Variants in FRMD4A observed in about 807,000 individuals in gnomAD.
FRMD4A encodes FERM domain-containing protein 4A.
FRMD4A carries 29 observed loss-of-function variants against 129.1 expected under a neutral mutation model. That is an observed-to-expected ratio of 0.22 (90% CI 0.17 to 0.31). FRMD4A has a LOEUF of 0.31. Among genes scored for constraint, FRMD4A ranks in the 10% least tolerant of loss-of-function variants. FRMD4A has a pLI of 1.00. For synonymous variants in FRMD4A, 634 were observed against 571.6 expected (o/e 1.11, Z -1.56); for missense variants, 1,272 against 1,375.8 (o/e 0.92, Z 1.19).
intron 2 of FRMD4A, among the ~76,000 whole-genome samples, chr10:14,218,955 CAAAAAAAAAAAAAAAAAAAAAAA>C (rs56064346): frequency 4.1e-5 from 3 of 72,640 alleles, no homozygotes; most frequent in Admixed American, 1.5e-4. Flanking sequence ...GACTTCATCT[CAAAAAAAAAAAAAAAAAAAAAAA>C]AAAAAAAAAA....
At chr10:13,745,550 G>A (rs1331958469) in intron 9 of FRMD4A, among the ~76,000 whole-genome samples, 1 of 152,200 alleles carries the variant, frequency 6.6e-6, no homozygotes, top group African/African-American at 2.4e-5. Context: ...AGAAGAGACA[G>A]AGAGAGTGTG....
chr10:13,716,948 CCT>C, intron 12 of FRMD4A, among the ~76,000 whole-genome samples: 1 of 146,500 alleles, frequency 6.8e-6, no homozygotes, highest in Non-Finnish European at 1.5e-5. Context: ...TTTTTCCTTT[CCT>C]ATCCTCTGCC....
intron 8 of FRMD4A, among the ~76,000 whole-genome samples, chr10:13,758,290 G>A (rs1240263937): frequency 6.6e-6 from 1 of 152,076 alleles, no homozygotes; most frequent in Admixed American, 6.6e-5. Context: ...AAAGGTTATT[G>A]GATCCTCTGG....
At chr10:13,677,155 G>T (rs550753198) in intron 15 of FRMD4A, among the ~76,000 whole-genome samples, 1 of 152,044 alleles carries the variant, frequency 6.6e-6, no homozygotes, top group Non-Finnish European at 1.5e-5. Flanking sequence ...ATACATACAG[G>T]CTCTTACTAC....
chr10:13,839,311 C>A (rs1401870668), intron 3 of FRMD4A, among the ~76,000 whole-genome samples: 1 of 152,110 alleles, frequency 6.6e-6, no homozygotes, highest in East Asian at 1.9e-4. Context: ...CAGCCAGGAC[C>A]ACCATTTCTA....
chr10:13,881,990 GGTGTGTGTGTGTGTGT>G (rs71388128), intron 2 of FRMD4A, among the ~76,000 whole-genome samples: 44 of 15,646 alleles, frequency 2.8e-3, no homozygotes, highest in Non-Finnish European at 4.1e-3. Flanking sequence ...GAGAGGCAAG[GGTGTGTGTGTGTGTGT>G]GTGTGTGTGT....
At chr10:14,324,543 G>A (rs977190597) in intron 2 of FRMD4A, among the ~76,000 whole-genome samples, 3 of 152,174 alleles carry the variant, frequency 2.0e-5, no homozygotes, top group Admixed American at 2.0e-4. Flanking sequence ...TGGCTTCACT[G>A]TATTACTATG....
intron 4 of FRMD4A, among the ~76,000 whole-genome samples, chr10:13,801,683 C>A (rs2093257386): frequency 6.6e-6 from 1 of 152,174 alleles, no homozygotes; most frequent in Admixed American, 6.5e-5. Flanking sequence ...AATTCTGGGG[C>A]CACCACTTTT....
intron 2 of FRMD4A, among the ~76,000 whole-genome samples, chr10:14,148,248 C>T (rs1840174279): frequency 6.6e-6 from 1 of 152,138 alleles, no homozygotes; most frequent in East Asian, 1.9e-4. Flanking sequence ...TTAATTATCC[C>T]CCTTTAGTTT....
At chr10:14,328,863 A>G (rs1202884446) in intron 2 of FRMD4A, among the ~76,000 whole-genome samples, 1 of 152,190 alleles carries the variant, frequency 6.6e-6, no homozygotes, top group African/African-American at 2.4e-5. Context: ...AGTAAGGGAA[A>G]GAAGTCAGGT....
At chr10:13,662,903 C>T (rs1485793513) in intron 19 of FRMD4A, among the ~76,000 whole-genome samples, 1 of 149,942 alleles carries the variant, frequency 6.7e-6, no homozygotes, top group African/African-American at 2.5e-5. Flanking sequence ...TGTAGATTCT[C>T]TGTCTAGCTA....
intron 2 of FRMD4A, among the ~76,000 whole-genome samples, chr10:14,131,402 C>CCCA (rs1024575229): frequency 1.2e-4 from 18 of 151,870 alleles, no homozygotes; most frequent in Middle Eastern, 3.4e-3. Context: ...CTGTGCCCCC[C>CCCA]CCGGCCGCCC....
At chr10:14,123,767 A>G (rs1838670006) in intron 2 of FRMD4A, among the ~76,000 whole-genome samples, 1 of 152,182 alleles carries the variant, frequency 6.6e-6, no homozygotes, top group South Asian at 2.1e-4. Context: ...TCAAGTTCAA[A>G]TATCCATCAC....
At chr10:14,168,539 A>G (rs548961407) in intron 2 of FRMD4A, among the ~76,000 whole-genome samples, 77 of 152,338 alleles carry the variant, frequency 5.1e-4, no homozygotes, top group Non-Finnish European at 9.8e-4. Flanking sequence ...GTGACCTCCC[A>G]GGAATCTTGC....
At chr10:14,104,304 C>T (rs968754532) in intron 2 of FRMD4A, among the ~76,000 whole-genome samples, 10 of 151,892 alleles carry the variant, frequency 6.6e-5, no homozygotes, top group East Asian at 1.9e-4. Context: ...GACGTTACAC[C>T]GCCATCAAGG....
At chr10:13,833,778 T>C (rs912397659) in intron 3 of FRMD4A, among the ~76,000 whole-genome samples, 1 of 152,100 alleles carries the variant, frequency 6.6e-6, no homozygotes, top group East Asian at 1.9e-4. Flanking sequence ...AACAACACTA[T>C]GAGGCAGATG....
chr10:14,109,965 C>T (rs1188633634), intron 2 of FRMD4A, among the ~76,000 whole-genome samples: 1 of 147,924 alleles, frequency 6.8e-6, no homozygotes, highest in Admixed American at 6.8e-5. Flanking sequence ...AGCAAGACTC[C>T]GTCTCCCTCC....
chr10:13,907,710 G>A (rs766037276), intron 2 of FRMD4A, among the ~76,000 whole-genome samples: 65 of 152,238 alleles, frequency 4.3e-4, no homozygotes, highest in South Asian at 6.2e-4. Flanking sequence ...GGTGATGAGC[G>A]CTGTTCACTG....
chr10:13,990,160 C>G (rs142991586), intron 2 of FRMD4A, among the ~76,000 whole-genome samples: 2 of 152,340 alleles, frequency 1.3e-5, no homozygotes, highest in East Asian at 3.9e-4. Context: ...GGAATAAGAG[C>G]CAACCTCAAA....
Sources: allele counts gnomAD v4.1 joint callset (sites outside exome capture counted in the v4.1 genomes callset), GRCh38; gene constraint gnomAD v4.1.1; transcripts MANE v1.5; gene names NCBI Gene and HGNC (gene_info 2026-07-23, HGNC 2026-07-21).